VPS13B: variants seen among roughly 807,000 people sequenced by gnomAD.
The protein encoded by VPS13B is intermembrane lipid transfer protein VPS13B.
VPS13B carries 285 observed loss-of-function variants against 426.4 expected under a neutral mutation model. The ratio of observed to expected loss-of-function variants is 0.67; its 90% CI spans 0.61 to 0.74. The LOEUF is 0.74. VPS13B is among the 30% of genes least tolerant of loss of function. The pLI is 0.00. For synonymous variants in VPS13B, 1,676 were observed against 1,676.4 expected (o/e 1.00, Z 0.01); for missense variants, 4,537 against 4,782.6 (o/e 0.95, Z 1.51).
At chr8:99,696,597 AAGG>A (rs748368284) in intron 35 of VPS13B, 55 of 609,434 alleles carry the variant, frequency 9.0e-5, no homozygotes, top group Non-Finnish European at 1.5e-4. Context: ...CCAGTCCATC[AAGG>A]AGGAGAGCCT....
chr8:99,542,591 A>T (rs1383018157), intron 30 of VPS13B, among the ~76,000 whole-genome samples: 2 of 152,142 alleles, frequency 1.3e-5, no homozygotes, highest in African/African-American at 4.8e-5. Flanking sequence ...AGTGATTGAG[A>T]TCAGACTGTG....
intron 43 of VPS13B, among the ~76,000 whole-genome samples, chr8:99,801,498 C>T (rs986173973): frequency 6.6e-6 from 1 of 152,122 alleles, no homozygotes; most frequent in Admixed American, 6.5e-5. Context: ...AAGAACTACT[C>T]CCTCCCTGGT....
intron 25 of VPS13B, among the ~76,000 whole-genome samples, chr8:99,498,962 A>G (rs1240278434): frequency 6.6e-6 from 1 of 152,140 alleles, no homozygotes; most frequent in African/African-American, 2.4e-5. Flanking sequence ...AGTTATTTTG[A>G]TAAGATAGAG....
chr8:99,792,290 TAACTC>T lies in VPS13B; in HGVS notation c.7941+7817_7941+7821del, dbSNP rs1192624525. ...AGATAAGAGTCAGAAAAAAAAATGTTAACTCAATTTCCAGGGAAAGACAATTAATA... is the reference window on the plus strand; with the variant it reads ...AGATAAGAGTCAGAAAAAAAAATGTTAATTTCCAGGGAAAGACAATTAATA... On this transcript the variant is annotated intron_variant, in intron 43 of 61. Transcript: ENST00000357162. Among the ~76,000 whole-genome samples the T allele has an allele frequency of 2.0e-5, 3 of 152,242 alleles. No individual in the cohort carries two copies. The South Asian group carries it at 6.2e-4, about 32-fold the overall frequency.
intron 3 of VPS13B, among the ~76,000 whole-genome samples, chr8:99,053,482 T>A (rs1315282448): frequency 6.6e-6 from 1 of 152,092 alleles, no homozygotes; most frequent in Admixed American, 6.5e-5. Flanking sequence ...TCATCATTTT[T>A]TATGGCTGCA....
At chr8:99,212,341 A>G (rs991376479) in intron 17 of VPS13B, among the ~76,000 whole-genome samples, 2 of 152,214 alleles carry the variant, frequency 1.3e-5, no homozygotes, top group African/African-American at 2.4e-5. Context: ...TGAAAAACCT[A>G]ATTGAAACCA....
intron 17 of VPS13B, among the ~76,000 whole-genome samples, chr8:99,271,018 A>G (rs114661427): frequency 0.02 from 3,075 of 152,180 alleles, 112 homozygotes; most frequent in African/African-American, 0.07. Flanking sequence ...TTTTAAATAT[A>G]TATATAGAAT....
chr8:99,532,489 A>G (rs1324732042), intron 30 of VPS13B, among the ~76,000 whole-genome samples: 2 of 152,160 alleles, frequency 1.3e-5, no homozygotes, highest in African/African-American at 2.4e-5. Flanking sequence ...TTAAAGAATT[A>G]TAAAAGATAG....
chr8:99,716,703 C>T (rs1832936718), intron 36 of VPS13B, among the ~76,000 whole-genome samples: 1 of 152,012 alleles, frequency 6.6e-6, no homozygotes, highest in African/African-American at 2.4e-5. Flanking sequence ...AGAAAACACA[C>T]GTTATATATT....
In VPS13B at chr8:99,170,224, C is replaced by A. The variant is rs898817042; in HGVS notation, c.2333+61C>A. On this transcript the variant is annotated intron_variant, in intron 16 of 61. Coordinates refer to ENST00000357162, the MANE Select transcript of VPS13B (RefSeq NM_152564.5). ...TTTCCATTTATTAGGAGGGAAAAAACCCCCAAATGTATCTGTCTTATGCCC... is the reference window on the plus strand; with the variant it reads ...TTTCCATTTATTAGGAGGGAAAAAAACCCCAAATGTATCTGTCTTATGCCC... 883 of 1,574,432 alleles carry A rather than the reference C, an allele frequency of 5.6e-4. 1 individual carries two copies. Among genetic ancestry groups the A allele is most frequent in the Non-Finnish European group, 6.1e-4 (698 of 1,151,012 alleles).
chr8:99,524,375 C>T (rs765792854), intron 30 of VPS13B, among the ~76,000 whole-genome samples: 1 of 152,096 alleles, frequency 6.6e-6, no homozygotes, highest in Non-Finnish European at 1.5e-5. Context: ...AATTCAAGTA[C>T]AAGGTTGTAG....
chr8:99,368,792 T>C (rs1254766298), intron 19 of VPS13B, among the ~76,000 whole-genome samples: 1 of 152,158 alleles, frequency 6.6e-6, no homozygotes, highest in Non-Finnish European at 1.5e-5. Context: ...TTTCCCCAGG[T>C]GTATTTAAGT....
At chr8:99,239,960 G>A (rs1033512691) in intron 17 of VPS13B, among the ~76,000 whole-genome samples, 3 of 152,156 alleles carry the variant, frequency 2.0e-5, no homozygotes, top group African/African-American at 7.2e-5. Context: ...TTCATGTAGA[G>A]GGGTAGGATT....
At chr8:99,564,205 T>C (rs1394224025) in intron 31 of VPS13B, among the ~76,000 whole-genome samples, 1 of 152,122 alleles carries the variant, frequency 6.6e-6, no homozygotes, top group Non-Finnish European at 1.5e-5. Context: ...CAAAGGAATA[T>C]ATCATGGTTT....
chr8:99,595,460 A>T (rs1052181232), intron 33 of VPS13B, among the ~76,000 whole-genome samples: 2 of 151,926 alleles, frequency 1.3e-5, no homozygotes, highest in Non-Finnish European at 2.9e-5. Context: ...AAATCATATC[A>T]TATGTAACTC....
In VPS13B at chr8:99,013,329, C is replaced by T. The variant is rs1054300646; in HGVS notation, c.-48C>T. 8.1e-6 allele frequency: 2 copies of T among 245,882 alleles called. No individual in the cohort carries two copies. Among genetic ancestry groups the T allele is most frequent in the South Asian group, 9.8e-5 (2 of 20,354 alleles). 15.2% of individuals were successfully genotyped at this position (245,882 alleles called of 1,614,324 possible). A position where few individuals can be genotyped will look rare whatever the true frequency, so the allele number is the denominator to read the frequency against. The stretch of plus-strand genomic sequence containing the variant: ...GCCAGGGACTTGGAGGTGGAGGGGA[C>T]GCGGCGGTACTCTGGCGTGTGAGCC... On this transcript the variant is annotated 5_prime_UTR_variant, in exon 1 of 62. In the 5' UTR this introduces an upstream ATG that the reference lacks. Transcript: ENST00000357162.
chr8:99,181,168 C>T (rs1812927711), intron 16 of VPS13B, among the ~76,000 whole-genome samples: 1 of 152,132 alleles, frequency 6.6e-6, no homozygotes, highest in African/African-American at 2.4e-5. Context: ...AATTATGTTA[C>T]ACTCATACCA....
chr8:99,393,978 T>A (rs1267125735), intron 21 of VPS13B, among the ~76,000 whole-genome samples: 2 of 152,168 alleles, frequency 1.3e-5, no homozygotes, highest in Non-Finnish European at 2.9e-5. Flanking sequence ...ATTATTTATA[T>A]TGCATCATAA....
intron 61 of VPS13B, among the ~76,000 whole-genome samples, chr8:99,874,211 C>G (rs1817575981): frequency 6.6e-6 from 1 of 152,140 alleles, no homozygotes; most frequent in Non-Finnish European, 1.5e-5. Flanking sequence ...TGCTGCTGTT[C>G]AGGAGGAGCA....
Sources: allele counts gnomAD v4.1 joint callset (sites outside exome capture counted in the v4.1 genomes callset), GRCh38; gene constraint gnomAD v4.1.1; transcripts MANE v1.5; gene names NCBI Gene and HGNC (gene_info 2026-07-23, HGNC 2026-07-21).